The following EYS variants were observed in gnomAD, a reference collection of about 807,000 sequenced individuals.
EYS encodes the protein EGF-like photoreceptor maintenance factor.
Under a neutral mutation model 282.1 loss-of-function variants are expected in EYS, and 250 were observed. The ratio of observed to expected loss-of-function variants is 0.89; its 90% CI spans 0.80 to 0.98. The LOEUF is 0.98. Among genes scored for constraint, EYS ranks in the 50% least tolerant of loss-of-function variants. EYS has a pLI of 0.00. For synonymous variants in EYS, 1,355 were observed against 1,282.9 expected, an observed-to-expected ratio of 1.06 and a Z score of -1.20; for missense variants, 4,016 against 3,709.0, an observed-to-expected ratio of 1.08 and a Z score of -2.15.
intron 31 of EYS, among the ~76,000 whole-genome samples, chr6:64,140,727 C>G (rs185303390): frequency 3.7e-4 from 56 of 152,270 alleles, no homozygotes; most frequent in Admixed American, 3.6e-3. Flanking sequence ...GTTTTGGCAA[C>G]TGCTGACTGC....
At chr6:64,192,125 T>G (rs1765132901) in intron 31 of EYS, among the ~76,000 whole-genome samples, 1 of 144,462 alleles carries the variant, frequency 6.9e-6, no homozygotes, top group African/African-American at 2.5e-5. Context: ...CATAAATGTC[T>G]TCTTTTGAGA....
chr6:65,558,361 C>T (rs73449339), intron 2 of EYS, among the ~76,000 whole-genome samples: 14,879 of 152,222 alleles, frequency 0.098, 1,053 homozygotes, highest in African/African-American at 0.18. Flanking sequence ...TGCCTGGGCT[C>T]GGCCACAACT....
intron 1 of EYS, among the ~76,000 whole-genome samples, chr6:65,699,100 T>G (rs1016762706): frequency 3.3e-5 from 5 of 152,212 alleles, no homozygotes; most frequent in African/African-American, 1.2e-4. Flanking sequence ...TGGTCAATGT[T>G]AACAATGGCA....
At chr6:65,105,164 T>A (rs115125444) in intron 12 of EYS, among the ~76,000 whole-genome samples, 3,301 of 151,812 alleles carry the variant, frequency 0.022, 83 homozygotes, top group African/African-American at 0.061. Flanking sequence ...AGTATGCAGG[T>A]TTGTATGAAT....
intron 12 of EYS, among the ~76,000 whole-genome samples, chr6:65,099,798 C>A (rs781098396): frequency 6.6e-6 from 1 of 150,706 alleles, no homozygotes; most frequent in Non-Finnish European, 1.5e-5. Flanking sequence ...AACATATCTC[C>A]GGACTGCTGC....
At chr6:64,167,594 C>T (rs1764333131) in intron 31 of EYS, among the ~76,000 whole-genome samples, 1 of 152,138 alleles carries the variant, frequency 6.6e-6, no homozygotes, top group African/African-American at 2.4e-5. Flanking sequence ...CTGACTCTGA[C>T]TTTCTGACTT....
intron 2 of EYS, among the ~76,000 whole-genome samples, chr6:65,591,879 C>T (rs76514838): frequency 1.3e-5 from 2 of 151,872 alleles, no homozygotes; most frequent in African/African-American, 4.8e-5. Flanking sequence ...ATTTCTGTAT[C>T]CACCATTAAG....
chr6:64,903,382 G>C (rs1767726610), intron 16 of EYS, among the ~76,000 whole-genome samples: 1 of 152,096 alleles, frequency 6.6e-6, no homozygotes, highest in South Asian at 2.1e-4. Context: ...GAGGAACAAA[G>C]AGTCATTCAG....
intron 12 of EYS, among the ~76,000 whole-genome samples, chr6:65,225,893 C>A (rs2150263497): frequency 6.6e-6 from 1 of 151,968 alleles, no homozygotes; most frequent in African/African-American, 2.4e-5. Flanking sequence ...ACTTCTTTAA[C>A]ATGATAAAGA....
intron 7 of EYS, among the ~76,000 whole-genome samples, chr6:65,398,138 T>G (rs1766358402): frequency 6.6e-6 from 1 of 152,114 alleles, no homozygotes; most frequent in African/African-American, 2.4e-5. Flanking sequence ...TTTGAGTTTC[T>G]TGTAGATTCT....
chr6:65,330,949 A>G (rs1447263829), intron 11 of EYS: 1 of 984,290 alleles, frequency 1.0e-6, no homozygotes, highest in Non-Finnish European at 1.2e-6. Flanking sequence ...AAATGAGATT[A>G]TAGCCAAATT....
intron 2 of EYS, among the ~76,000 whole-genome samples, chr6:65,587,624 T>C (rs1341339921): frequency 6.6e-6 from 1 of 152,104 alleles, no homozygotes; most frequent in African/African-American, 2.4e-5. Context: ...GTCTCAGGTA[T>C]GTCTTCATTG....
intron 8 of EYS, among the ~76,000 whole-genome samples, chr6:65,367,289 T>C (rs1764948039): frequency 6.6e-6 from 1 of 151,676 alleles, no homozygotes; most frequent in South Asian, 2.1e-4. Context: ...GAAGAGCTGC[T>C]ATCTTGAGGA....
At chr6:65,435,506 G>A (rs1768041710) in intron 5 of EYS, among the ~76,000 whole-genome samples, 1 of 151,788 alleles carries the variant, frequency 6.6e-6, no homozygotes, top group African/African-American at 2.4e-5. Context: ...AGTCTCTTAT[G>A]GAATTACTAA....
chr6:65,053,341 C>A (rs1773327031), intron 13 of EYS, among the ~76,000 whole-genome samples: 1 of 151,758 alleles, frequency 6.6e-6, no homozygotes, highest in African/African-American at 2.4e-5. Context: ...TGTACATATT[C>A]TTTACATTTT....
At chr6:64,412,713 G>T (rs1309432692) in intron 28 of EYS, 1 of 151,958 alleles carries the variant, frequency 6.6e-6, no homozygotes, top group African/African-American at 2.4e-5. Context: ...TATCACAAAT[G>T]GATATTATCG....
chr6:64,531,788 G>A (rs149353029), intron 26 of EYS, among the ~76,000 whole-genome samples: 2,477 of 152,012 alleles, frequency 0.016, 23 homozygotes, highest in South Asian at 0.036. Flanking sequence ...AAATATTCAT[G>A]CAGGGACTGT....
At chr6:64,450,578 C>A (rs574171438) in intron 26 of EYS, among the ~76,000 whole-genome samples, 1 of 152,092 alleles carries the variant, frequency 6.6e-6, no homozygotes, top group African/African-American at 2.4e-5. Flanking sequence ...CACACCACAC[C>A]TATTCCAAAA....
chr6:64,445,598 T>G (rs935873934), intron 26 of EYS, among the ~76,000 whole-genome samples: 1 of 152,214 alleles, frequency 6.6e-6, no homozygotes, highest in Non-Finnish European at 1.5e-5. Flanking sequence ...TGTATGTTTA[T>G]GGAAAAGCTT....
Sources: allele counts gnomAD v4.1 joint callset (sites outside exome capture counted in the v4.1 genomes callset), GRCh38; gene constraint gnomAD v4.1.1; transcripts MANE v1.5; gene names NCBI Gene and HGNC (gene_info 2026-07-23, HGNC 2026-07-21).